The following NBPF14 variants were observed in gnomAD, a reference collection of about 807,000 sequenced individuals.
The protein encoded by NBPF14 is NBPF member 14, also known as NBPF family member NBPF14.
In NBPF14, 104 loss-of-function variants were observed where a neutral mutation model predicts 91.2. That is an observed-to-expected ratio of 1.14 (90% CI 0.97 to 1.34). The LOEUF (loss-of-function observed/expected upper bound fraction) is 1.34, where lower values mean the gene tolerates loss of function less well. Ranked by LOEUF, NBPF14 falls within the 40% of genes most tolerant of loss-of-function variation. The pLI, the probability that NBPF14 is intolerant of heterozygous loss-of-function variation, is 0.00. For synonymous variants in NBPF14, 294 were observed against 303.8 expected, an observed-to-expected ratio of 0.97 and a Z score of 0.34; for missense variants, 908 against 783.0, an observed-to-expected ratio of 1.16 and a Z score of -1.91.
chr1:148,542,058 G>A (rs1655615774), intron 59 of NBPF14, among the ~76,000 whole-genome samples: 1 of 88,510 alleles, frequency 1.1e-5, no homozygotes, highest in East Asian at 5.7e-4. Flanking sequence ...CTAGTAGATC[G>A]TTATCCCAAT....
At chr1:148,561,822 G>C (rs1256740927) in intron 34 of NBPF14, among the ~76,000 whole-genome samples, 15 of 125,522 alleles carry the variant, frequency 1.2e-4, no homozygotes, top group East Asian at 6.4e-4. Flanking sequence ...CACACACAGA[G>C]AGAGAGAGAG....
chr1:148,566,495 A>T (rs1190347092), intron 28 of NBPF14, among the ~76,000 whole-genome samples, 180 bp from the exon 29 acceptor site: 3 of 128,660 alleles, frequency 2.3e-5, no homozygotes, highest in African/African-American at 9.1e-5. Flanking sequence ...GAAAAGAATG[A>T]AAGAGAAAGA....
chr1:148,573,367 C>G, intron 19 of NBPF14, 29 bp from the exon 20 acceptor site: 1 of 6,310 alleles, frequency 1.6e-4, no homozygotes, highest in South Asian at 1.2e-3. Context: ...TGGACAGACA[C>G]ATTAAGCTGA....
chr1:148,587,185 T>A, intron 8 of NBPF14, 116 bp downstream of exon 8: 1 of 847,158 alleles, frequency 1.2e-6, no homozygotes, highest in Non-Finnish European at 2.0e-6. Context: ...GAGCCTGCCA[T>A]GGCAATTCCT....
At position 148,559,366 on chromosome 1, in the gene NBPF14, G is replaced by T. The variant is rs1418771725; in HGVS notation, c.4730-294C>A. On this transcript the variant is annotated intron_variant, in intron 37 of 70. Coordinates refer to ENST00000619423, the Ensembl canonical transcript of NBPF14. ...TTTTTCCAATCGATTTAAAGCAATT[G>T]CCCCCAAATGGTTGCTAGGAGAAAA... is the stretch of plus-strand genomic sequence containing the variant. Among the ~76,000 whole-genome samples the T allele has an allele frequency of 4.6e-5, 6 of 131,556 alleles. 1 individual carries two copies. The East Asian group carries it at 9.4e-4, about 21-fold the overall frequency. The allele number at this position is 131,556 out of a possible 152,430, so 86.3% of individuals were successfully genotyped here. A position where few individuals can be genotyped will look rare whatever the true frequency, so the allele number is the denominator to read the frequency against.
intron 64 of NBPF14, 23 bp from the exon 65 acceptor site, chr1:148,538,029 A>G (rs1655304437): frequency 9.0e-5 from 21 of 232,666 alleles, no homozygotes; most frequent in African/African-American, 3.2e-4. Context: ...GAAAAAGTAA[A>G]GAATAAGCCA....
intron 6 of NBPF14, among the ~76,000 whole-genome samples, chr1:148,590,373 T>A (rs1662286228): frequency 7.0e-6 from 1 of 142,668 alleles, no homozygotes; most frequent in African/African-American, 2.5e-5. Flanking sequence ...TATTAATAGC[T>A]AAGACAAGCC....
At chr1:148,566,475 G>C (rs1210526046) in intron 28 of NBPF14, among the ~76,000 whole-genome samples, 160 bp from the exon 29 acceptor site, 1 of 141,500 alleles carries the variant, frequency 7.1e-6, no homozygotes, top group African/African-American at 2.6e-5. Context: ...GGACAGAACA[G>C]GGCCAAATGG....
At chr1:148,557,091 G>A (rs1316666455) in intron 40 of NBPF14, among the ~76,000 whole-genome samples, 2 of 77,296 alleles carry the variant, frequency 2.6e-5, no homozygotes, top group African/African-American at 1.9e-4. Flanking sequence ...CACACACAGA[G>A]AGAGAGAGAG....
In NBPF14 at chr1:148,592,805, G is replaced by C. The variant is rs1344707123; in HGVS notation, c.279-39C>G. ...GTAGAGAAAATTTAAGAGTAGAAAGGGTTGAGTGATCCGTTCAAATATTGC... is the reference window on the plus strand; with the variant it reads ...GTAGAGAAAATTTAAGAGTAGAAAGCGTTGAGTGATCCGTTCAAATATTGC... On this transcript the variant is annotated intron_variant, in intron 3 of 70. Transcript: ENST00000619423. The C allele has an allele frequency of 7.2e-6, 10 of 1,382,272 alleles. 1 individual carries two copies. Among genetic ancestry groups the C allele is most frequent in the African/African-American group, 4.7e-5 (3 of 63,184 alleles). The allele number at this position is 1,382,272 out of a possible 1,614,324, so 85.6% of individuals were successfully genotyped here.
Position 148,593,284 on chromosome 1 carries a change from G to A in NBPF14, c.278+314C>T, listed in dbSNP as rs1402706889. Among the ~76,000 whole-genome samples the A allele has an allele frequency of 1.0e-4, 15 of 148,772 alleles. 1 individual carries two copies. The highest frequency in any genetic ancestry group is 2.7e-4 in the African/African-American group (11 of 41,032). Reference sequence around the variant, plus strand: ...ATTCTCACTAAGGGTAAGTGGGGTGGCGATAGCACACCATTTTGATTATAC... The same window carrying A: ...ATTCTCACTAAGGGTAAGTGGGGTGACGATAGCACACCATTTTGATTATAC... On this transcript the variant is annotated intron_variant, in intron 3 of 70. Transcript: ENST00000619423.
chr1:148,579,872 A>T (rs1383637805), intron 12 of NBPF14, among the ~76,000 whole-genome samples: 1 of 152,202 alleles, frequency 6.6e-6, no homozygotes, highest in Non-Finnish European at 1.5e-5. Context: ...TGTTACAAGG[A>T]AAACTAACAC....
chr1:148,566,526 C>G (rs1334842999), intron 28 of NBPF14, among the ~76,000 whole-genome samples: 1 of 129,846 alleles, frequency 7.7e-6, no homozygotes, highest in Non-Finnish European at 1.8e-5. Context: ...CACACACACA[C>G]ACACACACAC....
rs1448691426 is a variant in NBPF14 at position 148,575,742 on chromosome 1, C to T, written c.2148G>A (p.Ser716=). Reference sequence around the variant, plus strand: ...GCAGTTCAAGATAACCTGAAGGAGTCGAATAACATCTATCCAGTGAGTCCT... The same window carrying T: ...GCAGTTCAAGATAACCTGAAGGAGTTGAATAACATCTATCCAGTGAGTCCT... Residue 716 remains serine (S), a synonymous_variant, in exon 17 of 71, where the codon TCG becomes TCA. Coordinates refer to ENST00000619423, the Ensembl canonical transcript of NBPF14. 602 of 260,372 alleles carry T rather than the reference C, an allele frequency of 2.3e-3. 4 individuals are homozygous for T. The highest frequency in any genetic ancestry group is 8.1e-3 in the East Asian group (101 of 12,462). 16.1% of individuals were successfully genotyped at this position (260,372 alleles called of 1,614,324 possible). A position where few individuals can be genotyped will look rare whatever the true frequency, so the allele number is the denominator to read the frequency against.
At chr1:148,590,037 TTAC>T (rs1662203195) in intron 6 of NBPF14, among the ~76,000 whole-genome samples, 2 of 125,090 alleles carry the variant, frequency 1.6e-5, no homozygotes, top group Admixed American at 1.6e-4. Flanking sequence ...GGTCAGAGAC[TTAC>T]TTTTTTTTTT....
chr1:148,585,744 C>T (rs1325487489), intron 9 of NBPF14, among the ~76,000 whole-genome samples: 13 of 148,228 alleles, frequency 8.8e-5, no homozygotes, highest in African/African-American at 2.5e-4. Context: ...GTGCCTTCTC[C>T]AACATCACAC....
intron 69 of NBPF14, 68 bp downstream of exon 69, chr1:148,534,616 G>C (rs74728221): frequency 3.3e-6 from 3 of 907,940 alleles, no homozygotes; most frequent in Admixed American, 1.7e-5. Flanking sequence ...GGGCCACTTG[G>C]AATAGGAATA....
At chr1:148,542,116 T>C (rs1218489266) in intron 59 of NBPF14, among the ~76,000 whole-genome samples, 3 of 103,448 alleles carry the variant, frequency 2.9e-5, no homozygotes, top group East Asian at 4.3e-4. Context: ...ATTTTTCCAA[T>C]CAACTTAAAG....
intron 14 of NBPF14, 52 bp from the exon 15 acceptor site, chr1:148,577,407 A>G (rs1660024421): frequency 1.5e-6 from 1 of 653,892 alleles, no homozygotes; most frequent in African/African-American, 1.9e-5. Context: ...CAGAAACCAC[A>G]CAGCCCCAGC....
Sources: allele counts gnomAD v4.1 joint callset (sites outside exome capture counted in the v4.1 genomes callset), GRCh38; gene constraint gnomAD v4.1.1; transcripts MANE v1.5; gene names NCBI Gene and HGNC (gene_info 2026-07-23, HGNC 2026-07-21).